The following CACNA1C variants were observed in gnomAD, a reference collection of about 807,000 sequenced individuals.
CACNA1C encodes the protein calcium voltage-gated channel subunit alpha1 C, also known as voltage-dependent L-type calcium channel subunit alpha-1C.
Under a neutral mutation model 229.0 loss-of-function variants are expected in CACNA1C, and 30 were observed. That is an observed-to-expected ratio of 0.13 (90% CI 0.10 to 0.18). CACNA1C has a LOEUF of 0.18. Ranked by LOEUF, CACNA1C falls within the 10% of genes least tolerant of loss-of-function variation. The probability of loss-of-function intolerance (pLI) is 1.00; values close to 1 mark genes in which losing one functional copy is unlikely to be tolerated. For synonymous variants in CACNA1C, 1,114 were observed against 1,132.5 expected (o/e 0.98, Z 0.33); for missense variants, 1,658 against 2,845.0 (o/e 0.58, Z 9.49).
intron 3 of CACNA1C, among the ~76,000 whole-genome samples, chr12:2,325,123 G>A (rs867387598): frequency 5.3e-5 from 8 of 152,126 alleles, no homozygotes; most frequent in African/African-American, 9.7e-5. Flanking sequence ...CCTGTAAAGC[G>A]GATGAGTGTG....
At chr12:2,211,272 T>TA (rs953141924) in intron 3 of CACNA1C, among the ~76,000 whole-genome samples, 1 of 152,244 alleles carries the variant, frequency 6.6e-6, no homozygotes, top group Non-Finnish European at 1.5e-5. Flanking sequence ...CCCACTTTCT[T>TA]ACACCTCACA....
At position 2,129,929 on chromosome 12, in the gene CACNA1C, T is replaced by C. The variant is rs372748539; in HGVS notation, c.477+9499T>C. On this transcript the variant is annotated intron_variant, in intron 3 of 46. Transcript: ENST00000399655. ...CAAAGTTAGAGTAAATAGATCCTGA[T>C]TGAGGACCTATGGGGCTTACTTATG... Among the ~76,000 whole-genome samples, 80 of 152,360 alleles carry C rather than the reference T, an allele frequency of 5.3e-4. 1 individual carries two copies. The highest frequency in any genetic ancestry group is 1.9e-3 in the African/African-American group (77 of 41,592).
intron 45 of CACNA1C, among the ~76,000 whole-genome samples, chr12:2,687,171 A>C (rs1293300482): frequency 6.6e-6 from 1 of 152,190 alleles, no homozygotes; most frequent in Non-Finnish European, 1.5e-5. Flanking sequence ...CACTTTTCTC[A>C]GATTCCCAGG....
At position 2,502,482 on chromosome 12, in the gene CACNA1C, G is replaced by C. The variant is rs556544289; in HGVS notation, c.1114-2360G>C. Among the ~76,000 whole-genome samples the C allele has an allele frequency of 3.9e-5, 6 of 152,342 alleles. No homozygotes were observed. In the South Asian group the frequency reaches 1.2e-3, roughly 32 times the overall value. ...AAGCAAACCAGATGTGAGAAAATGGGCATGCTCAGTAAACCCACGTTCAAT... is the reference window on the plus strand; with the variant it reads ...AAGCAAACCAGATGTGAGAAAATGGCCATGCTCAGTAAACCCACGTTCAAT... On this transcript the variant is annotated intron_variant, in intron 7 of 46. Transcript: ENST00000399655.
chr12:2,213,543 T>C (rs1401376365), intron 3 of CACNA1C, among the ~76,000 whole-genome samples: 1 of 152,138 alleles, frequency 6.6e-6, no homozygotes, highest in Non-Finnish European at 1.5e-5. Context: ...TTCTCACTCT[T>C]CTCCTAGTTC....
intron 3 of CACNA1C, among the ~76,000 whole-genome samples, chr12:2,419,397 G>C (rs999664654): frequency 6.6e-6 from 1 of 152,082 alleles, no homozygotes; most frequent in Non-Finnish European, 1.5e-5. Flanking sequence ...ACAGCACCAA[G>C]ACATGAGGGA....
chr12:2,051,915 A>C (rs529592806), upstream of CACNA1C, among the ~76,000 whole-genome samples: 1 of 152,196 alleles, frequency 6.6e-6, no homozygotes, highest in African/African-American at 2.4e-5. Context: ...AAGCCACGGG[A>C]ATGGTTAGGG....
rs1194637215 is a variant in CACNA1C at position 2,181,064 on chromosome 12, A to G, written c.477+60634A>G. Among the ~76,000 whole-genome samples, 1 of 152,130 alleles carries G rather than the reference A, an allele frequency of 6.6e-6. No homozygotes were observed. Among genetic ancestry groups the G allele is most frequent in the Non-Finnish European group, 1.5e-5 (1 of 68,022 alleles). ...TTTGGGCAACTGAGTTTTGGAACCT[A>G]CATATCAGACTCAAATGTTTTCTTC... On this transcript the variant is annotated intron_variant, in intron 3 of 46. Transcript: ENST00000399655. This position sits in a 1 kb window ranked among gnomAD's most constrained non-coding sequence, Gnocchi z 4.0.
At chr12:2,498,553 C>T (rs1334753952) in intron 7 of CACNA1C, among the ~76,000 whole-genome samples, 4 of 152,222 alleles carry the variant, frequency 2.6e-5, no homozygotes, top group Non-Finnish European at 5.9e-5. Context: ...TTTGCTGTTT[C>T]CTGGGACGAG....
chr12:2,091,748 G>C (rs1406258042), intron 1 of CACNA1C, among the ~76,000 whole-genome samples: 1 of 152,208 alleles, frequency 6.6e-6, no homozygotes, highest in Non-Finnish European at 1.5e-5. Flanking sequence ...AGCCCACACT[G>C]GGCCTCTGCT....
At chr12:2,337,873 C>T (rs539793203) in intron 3 of CACNA1C, among the ~76,000 whole-genome samples, 19 of 152,194 alleles carry the variant, frequency 1.2e-4, no homozygotes, top group East Asian at 1.9e-4. Context: ...GTGGTGACCA[C>T]GCCTCCTCCT....
intron 34 of CACNA1C, 142 bp downstream of exon 34, chr12:2,655,380 G>A: frequency 1.7e-6 from 1 of 582,440 alleles, no homozygotes; most frequent in Non-Finnish European, 3.0e-6. Flanking sequence ...GCCTGACAAG[G>A]AGGCCAGTGG....
chr12:2,256,071 T>TGACTAGTTTACAA (rs1566709880), intron 3 of CACNA1C, among the ~76,000 whole-genome samples: 20 of 152,366 alleles, frequency 1.3e-4, no homozygotes, highest in South Asian at 2.1e-4. Context: ...GATCCTGACC[T>TGACTAGTTTACAA]TACTAGTTTA....
intron 3 of CACNA1C, among the ~76,000 whole-genome samples, chr12:2,263,180 C>G (rs1270059664): frequency 6.6e-6 from 1 of 151,614 alleles, no homozygotes; most frequent in African/African-American, 2.4e-5. Flanking sequence ...AGAGGGCATT[C>G]AAGGGAGCAG....
intron 29 of CACNA1C, chr12:2,613,324 C>G (rs2078811866): frequency 6.6e-6 from 1 of 152,194 alleles, no homozygotes; most frequent in Non-Finnish European, 1.5e-5. Flanking sequence ...ATTAATTGAT[C>G]CACTGCTAAG....
intron 3 of CACNA1C, among the ~76,000 whole-genome samples, chr12:2,325,874 C>T (rs2096266780): frequency 6.6e-6 from 1 of 152,208 alleles, no homozygotes. Context: ...AAGAGGGGGA[C>T]TGAAATAGGA....
At chr12:2,361,158 C>A (rs759044287) in intron 3 of CACNA1C, among the ~76,000 whole-genome samples, 2 of 149,956 alleles carry the variant, frequency 1.3e-5, no homozygotes, top group East Asian at 3.9e-4. Flanking sequence ...TTCCAGATTG[C>A]GGTGGTACTT....
rs977125898 is a variant in CACNA1C, at chr12:2,695,244, G to A, written c.*4045G>A. 3.9e-5 allele frequency: 6 copies of A among 152,250 alleles called. No individual in the cohort carries two copies. The highest frequency in any genetic ancestry group is 8.8e-5 in the Non-Finnish European group (6 of 68,058). The allele number at this position is 152,250 out of a possible 1,614,324, so 9.4% of individuals were successfully genotyped here. A position where few individuals can be genotyped will look rare whatever the true frequency, so the allele number is the denominator to read the frequency against. ...TGTGCCTCTTCCCAGTTCATGGAAG[G>A]ATGTGTTCAGCTTACCCACCCACAG... On this transcript the variant is annotated 3_prime_UTR_variant, in exon 47 of 47. Transcript: ENST00000399655.
At chr12:2,589,759 T>C (rs1452166556) in intron 18 of CACNA1C, among the ~76,000 whole-genome samples, 3 of 145,056 alleles carry the variant, frequency 2.1e-5, no homozygotes, top group Admixed American at 1.4e-4. Context: ...GGGAGGATAC[T>C]TGCGCAGTAT....
Sources: gnomAD v4.1 joint callset for allele counts (sites outside exome capture counted in the v4.1 genomes callset) on GRCh38, gnomAD v4.1.1 for gene constraint, Gnocchi (gnomAD v3.1) non-coding constraint, MANE v1.5 for transcripts, NCBI Gene and HGNC (gene_info 2026-07-23, HGNC 2026-07-21) for gene names.